The following AP5Z1 variants were observed in gnomAD, a reference collection of about 807,000 sequenced individuals.
AP5Z1 encodes the protein adaptor related protein complex 5 subunit zeta 1, also known as AP-5 complex subunit zeta-1.
A neutral mutation model predicts 83.0 loss-of-function variants in AP5Z1; 106 were observed. The observed-to-expected ratio is 1.28, with a 90% CI of 1.09 to 1.50. AP5Z1 has a LOEUF of 1.50. Among genes scored for constraint, AP5Z1 ranks in the 40% most tolerant of loss-of-function variants. AP5Z1 has a pLI of 0.00. For synonymous variants in AP5Z1, 751 were observed against 514.1 expected, an observed-to-expected ratio of 1.46 and a Z score of -6.23; for missense variants, 1,565 against 1,094.2, an observed-to-expected ratio of 1.43 and a Z score of -6.07.
At chr7:4,781,804 G>A (rs765040057) in intron 3 of AP5Z1, 50 bp downstream of exon 3, 1 of 1,482,160 alleles carries the variant, frequency 6.7e-7, no homozygotes, top group Non-Finnish European at 9.0e-7. Context: ...TGCTTCCCAA[G>A]GAACAGGGGA....
rs1205118369 is a variant in AP5Z1, at chr7:4,791,679, G to A, written c.*294G>A. On this transcript the variant is annotated 3_prime_UTR_variant, in exon 17 of 17. Transcript: ENST00000649063. ...GGCTGGGTCGGGTGGAGGCTGCTGG[G>A]TCTGTTTCCTAGTCTTTTGTTTTTG... 4.0e-6 allele frequency: 2 copies of A among 494,790 alleles called. No individual in the cohort carries two copies. Among genetic ancestry groups the A allele is most frequent in the Admixed American group, 3.6e-5 (1 of 28,068 alleles). 30.6% of individuals were successfully genotyped at this position (494,790 alleles called of 1,614,324 possible). A position where few individuals can be genotyped will look rare whatever the true frequency, so the allele number is the denominator to read the frequency against.
In AP5Z1 at chr7:4,788,771, G is replaced by A. The variant is rs368160960; in HGVS notation, c.1596-69G>A. On this transcript the variant is annotated intron_variant, in intron 12 of 16. Transcript: ENST00000649063. ...CAGCTGTGCGAGAGGGAGCAGTGGC[G>A]ACGTGGCCCCGGCCTGCAGTCACCA... 55 of 1,363,722 alleles carry A rather than the reference G, an allele frequency of 4.0e-5. No individual in the cohort carries two copies. In the African/African-American group the frequency reaches 5.9e-4, roughly 15 times the overall value. The allele number at this position is 1,363,722 out of a possible 1,614,324, so 84.5% of individuals were successfully genotyped here. A position where few individuals can be genotyped will look rare whatever the true frequency, so the allele number is the denominator to read the frequency against.
intron 11 of AP5Z1, 150 bp from the exon 12 acceptor site, chr7:4,788,004 A>ACGCCCAGGCCTGGAGC: frequency 1.5e-6 from 2 of 1,309,142 alleles, no homozygotes; most frequent in Non-Finnish European, 2.0e-6. Flanking sequence ...ACCCGTCTTC[A>ACGCCCAGGCCTGGAGC]CGCCCAGGCC....
At chr7:4,781,447 T>G in intron 2 of AP5Z1, 121 bp from the exon 3 acceptor site, 1 of 1,536,126 alleles carries the variant, frequency 6.5e-7, no homozygotes, top group South Asian at 1.2e-5. Flanking sequence ...TGAAGGTCCA[T>G]CCTCATGTAA....
Position 4,791,227 on chromosome 7 carries a change from A to G in AP5Z1, c.2266A>G (p.Thr756Ala), listed in dbSNP as rs1020726747. The change falls in exon 17 of 17, where the codon ACC becomes GCC. Residue 756 changes from threonine to alanine, a missense_variant. Coordinates refer to ENST00000649063, the MANE Select transcript of AP5Z1 (RefSeq NM_014855.3). ...AIRTRATELL[T>A]LLKMPSVAQF... is the part of the protein sequence containing the mutation. ...CCGTACCCGGGCCACAGAGCTGCTG[A>G]CCCTGCTGAAGATGCCTAGCGTGGC... 7 of 1,612,732 alleles carry G rather than the reference A, an allele frequency of 4.3e-6. 1 individual carries two copies. In the South Asian group the frequency reaches 7.7e-5, roughly 18 times the overall value.
At chr7:4,781,092 A>AT (rs1781368202) in intron 1 of AP5Z1, 83 bp from the exon 2 acceptor site, 1 of 1,524,318 alleles carries the variant, frequency 6.6e-7, no homozygotes, top group African/African-American at 1.4e-5. Flanking sequence ...CTAAAGAGGG[A>AT]TTTTCCCTGC....
chr7:4,790,098 A>G (rs1298159727), intron 14 of AP5Z1, 169 bp downstream of exon 14: 1 of 1,257,268 alleles, frequency 8.0e-7, no homozygotes, highest in African/African-American at 1.7e-5. Context: ...AGCCCCAGGC[A>G]CTTCTCTCTG....
chr7:4,790,244 ACT>A, intron 14 of AP5Z1: 1 of 1,546,282 alleles, frequency 6.5e-7, no homozygotes, highest in Non-Finnish European at 8.7e-7. Context: ...TCCTGGTTCC[ACT>A]CTGAGCCTGG....
At chr7:4,790,034 G>T (rs1781704499) in intron 14 of AP5Z1, 105 bp downstream of exon 14, 2 of 998,244 alleles carry the variant, frequency 2.0e-6, no homozygotes, top group African/African-American at 2.1e-5. Context: ...ACCACCCCTA[G>T]CTGGGCCCTC....
At chr7:4,788,083 T>G (rs896330153) in intron 11 of AP5Z1, 71 bp from the exon 12 acceptor site, 2 of 1,453,264 alleles carry the variant, frequency 1.4e-6, no homozygotes, top group African/African-American at 1.4e-5. Context: ...CTGCCGTGTG[T>G]CTCCCTGACG....
chr7:4,784,334 G>T lies in AP5Z1; in HGVS notation c.753G>T (p.Leu251=), dbSNP rs908638350. ...QAFSMLRAWL[L]HSGPEGPGTL... Reference sequence around the variant, plus strand: ...TCTCTATGCTGCGGGCGTGGCTGCTGCACAGCGGCCCCGAGGGCCCGGGCA... The same window carrying T: ...TCTCTATGCTGCGGGCGTGGCTGCTTCACAGCGGCCCCGAGGGCCCGGGCA... The change falls in exon 6 of 17, where the codon CTG becomes CTT. Residue 251 remains leucine, a synonymous_variant. Coordinates refer to ENST00000649063, the MANE Select transcript of AP5Z1 (RefSeq NM_014855.3). 2 of 1,597,744 alleles carry T rather than the reference G, an allele frequency of 1.3e-6. No individual in the cohort carries two copies. Among genetic ancestry groups the T allele is most frequent in the Non-Finnish European group, 1.7e-6 (2 of 1,173,886 alleles).
At position 4,794,366 on chromosome 7, in the gene AP5Z1, C is replaced by G. The variant is rs373690986; in HGVS notation, c.*2981C>G. ...TCCACACCGGGATGCTTTGTTTGTT[C>G]GCTCTTTGCAATAAATCTTGCTGCT... is the stretch of plus-strand genomic sequence containing the variant. On this transcript the variant is annotated 3_prime_UTR_variant, in exon 17 of 17. Transcript: ENST00000649063. 6.6e-6 allele frequency: 1 copy of G among 152,388 alleles called. No homozygotes were observed. The highest frequency in any genetic ancestry group is 2.1e-4 in the South Asian group (1 of 4,834). 9.4% of individuals were successfully genotyped at this position (152,388 alleles called of 1,614,324 possible). A position where few individuals can be genotyped will look rare whatever the true frequency, so the allele number is the denominator to read the frequency against.
intron 1 of AP5Z1, among the ~76,000 whole-genome samples, chr7:4,777,044 A>G (rs1053151270): frequency 6.6e-6 from 1 of 152,232 alleles, no homozygotes; most frequent in African/African-American, 2.4e-5. Context: ...AAGCCCGAAC[A>G]GGACAAAAAT....
In AP5Z1 at chr7:4,786,445, C is replaced by G. The variant is rs374901857; in HGVS notation, c.1311+17C>G. On this transcript the variant is annotated intron_variant, in intron 10 of 16. Coordinates refer to ENST00000649063, the MANE Select transcript of AP5Z1 (RefSeq NM_014855.3). ...CTCTTTAAGGTATATTTGGGCATCC[C>G]TGGGTGCCAGGGCAGGGGCATGGTA... is the stretch of plus-strand genomic sequence containing the variant. The G allele has an allele frequency of 2.2e-5, 35 of 1,612,244 alleles. No homozygotes were observed. The African/African-American group carries it at 4.3e-4, about 20-fold the overall frequency.
chr7:4,783,203 G>T, intron 3 of AP5Z1, 113 bp from the exon 4 acceptor site: 1 of 1,435,926 alleles, frequency 7.0e-7, no homozygotes, highest in African/African-American at 1.4e-5. Flanking sequence ...CACCTGCTAG[G>T]CCGGGGTCTC....
chr7:4,778,797 TTA>T (rs1046358693), intron 1 of AP5Z1, among the ~76,000 whole-genome samples: 30 of 146,208 alleles, frequency 2.1e-4, no homozygotes, highest in Admixed American at 2.8e-4. Flanking sequence ...TATAATATAA[TTA>T]TATGTTATAT....
intron 2 of AP5Z1, 71 bp downstream of exon 2, chr7:4,781,383 G>A: frequency 6.2e-7 from 1 of 1,603,594 alleles, no homozygotes; most frequent in East Asian, 2.2e-5. Flanking sequence ...ACGCCCAGCA[G>A]GTCACTGCAG....
chr7:4,778,670 G>A (rs1189288362), intron 1 of AP5Z1, among the ~76,000 whole-genome samples: 2 of 151,238 alleles, frequency 1.3e-5, no homozygotes, highest in Non-Finnish European at 2.9e-5. Context: ...TAATCGGGAT[G>A]AGGGGTTCCA....
intron 14 of AP5Z1, 63 bp downstream of exon 14, chr7:4,789,992 TCCCCTCCCCCCTCC>T (rs954012979): frequency 5.8e-6 from 3 of 521,642 alleles, no homozygotes; most frequent in Non-Finnish European, 4.9e-6. Context: ...CCTCCCCCTC[TCCCCTCCCCCCTCC>T]CCTTCAGTGG....
Sources: gnomAD v4.1 joint callset for allele counts (sites outside exome capture counted in the v4.1 genomes callset) on GRCh38, gnomAD v4.1.1 for gene constraint, MANE v1.5 for transcripts, NCBI Gene and HGNC (gene_info 2026-07-23, HGNC 2026-07-21) for gene names.